Variants in CEP250 observed in about 807,000 individuals in gnomAD.
CEP250 encodes centrosomal protein 250, also known as centrosome-associated protein CEP250.
Under a neutral mutation model 315.7 loss-of-function variants are expected in CEP250, and 242 were observed. The ratio of observed to expected loss-of-function variants is 0.77; its 90% CI spans 0.69 to 0.85. The LOEUF (loss-of-function observed/expected upper bound fraction) is 0.85. CEP250 is among the 40% of genes least tolerant of loss of function. The pLI is 0.00. For missense variants in CEP250, 2,515 were observed against 2,886.4 expected (o/e 0.87, Z 2.95); for synonymous variants, 1,088 against 1,175.0 (o/e 0.93, Z 1.51).
intron 20 of CEP250, among the ~76,000 whole-genome samples, chr20:35,485,064 TAAAAAA>T (rs587596547): frequency 7.7e-6 from 1 of 129,228 alleles, no homozygotes; most frequent in East Asian, 2.2e-4. Context: ...CCTATCTCTT[TAAAAAA>T]AAAAAAAAAA....
Position 35,493,547 on chromosome 20 carries a change from A to T in CEP250, c.3008A>T (p.Gln1003Leu), listed in dbSNP as rs765672057. 4 of 1,578,960 alleles carry T rather than the reference A, an allele frequency of 2.5e-6. No individual in the cohort carries two copies. In the Admixed American group the frequency reaches 5.6e-5, roughly 22 times the overall value. Reference protein sequence around the residue: ...ALQEESSSLLQDKMDLQKQVE... With the variant: ...ALQEESSSLLLDKMDLQKQVE... ...CAAGAAGAGAGCAGCTCCCTGCTGC[A>T]GGATAAGATGGACCTGCAGAAGCAG... is the stretch of plus-strand genomic sequence containing the variant. The change falls in exon 23 of 35, where the codon CAG (glutamine) becomes CTG (leucine). Residue 1003 changes from glutamine to leucine, a missense_variant. Physicochemically the swap from Gln to Leu is moderately radical, Grantham distance 113 (BLOSUM62 -2). Transcript: ENST00000397527.
At chr20:35,494,338 A>C in intron 23 of CEP250, 186 bp from the exon 24 acceptor site, 4 of 657,244 alleles carry the variant, frequency 6.1e-6, no homozygotes, top group South Asian at 2.0e-5. Context: ...GCAGATGACC[A>C]GGCCGAATTG....
At chr20:35,496,350 C>A (rs2063834033) in intron 24 of CEP250, among the ~76,000 whole-genome samples, 1 of 151,324 alleles carries the variant, frequency 6.6e-6, no homozygotes, top group African/African-American at 2.4e-5. Context: ...AAAAAAAAAA[C>A]ACAAAAAAAC....
At chr20:35,498,119 T>TTTGG in intron 26 of CEP250, 52 bp downstream of exon 26, 1 of 1,351,802 alleles carries the variant, frequency 7.4e-7, no homozygotes, top group Non-Finnish European at 9.9e-7. Context: ...CAGGCCTGGC[T>TTTGG]CCCAGGGGAA....
At chr20:35,502,312 A>G in intron 29 of CEP250, 78 bp from the exon 30 acceptor site, 4 of 1,280,962 alleles carry the variant, frequency 3.1e-6, no homozygotes, top group Non-Finnish European at 4.3e-6. Flanking sequence ...GCCACAAAAT[A>G]AGAAAGAGAA....
rs867885201 is a variant in CEP250, at chr20:35,465,445, A to T, written c.244-298A>T. Among the ~76,000 whole-genome samples, 463 of 151,208 alleles carry T rather than the reference A, an allele frequency of 3.1e-3. 1 individual carries two copies. The highest frequency in any genetic ancestry group is 0.011 in the African/African-American group (448 of 40,652). On this transcript the variant is annotated intron_variant, in intron 5 of 34. Transcript: ENST00000397527. ...CAAAAAAAAAAAAAAAAAAAATGAA[A>T]GAAGTTAAGTCACTTCCCAAGGTCA... is the stretch of plus-strand genomic sequence containing the variant.
chr20:35,461,251 C>G (rs2062748576), intron 3 of CEP250, among the ~76,000 whole-genome samples: 2 of 152,292 alleles, frequency 1.3e-5, no homozygotes, highest in Middle Eastern at 3.4e-3. Flanking sequence ...AGAACTCTTC[C>G]TCTGGCCCAG....
intron 20 of CEP250, among the ~76,000 whole-genome samples, chr20:35,486,164 G>A (rs1172643654): frequency 6.6e-6 from 1 of 151,206 alleles, no homozygotes; most frequent in Non-Finnish European, 1.5e-5. Context: ...ACAGGCGCAT[G>A]CTACCACACC....
chr20:35,472,144 T>C lies in CEP250; in HGVS notation c.1043T>C (p.Ile348Thr). The change falls in exon 11 of 35, where the codon ATA becomes ACA. Residue 348 changes from isoleucine (I) to threonine (T), a missense_variant. By Grantham distance (89) the Ile-to-Thr change is moderately conservative (BLOSUM62 -1). Coordinates refer to ENST00000397527, the MANE Select transcript of CEP250 (RefSeq NM_007186.6). ...KLSLQQVIKD[I>T]TQVMVEEGDN... is the part of the protein sequence containing the mutation. ...TCTTTACAGCAGGTGATCAAGGATA[T>C]AACCCAGGTACTGGGAAGCCTCCTG... 6.2e-7 allele frequency: 1 copy of C among 1,602,312 alleles called. No homozygotes were observed. The highest frequency in any genetic ancestry group is 8.6e-7 in the Non-Finnish European group (1 of 1,169,228).
intron 9 of CEP250, among the ~76,000 whole-genome samples, chr20:35,468,525 C>G (rs2146736578): frequency 6.6e-6 from 1 of 152,252 alleles, no homozygotes; most frequent in Non-Finnish European, 1.5e-5. Context: ...GTATCTTCAC[C>G]TGTTGGAGGT....
At chr20:35,459,180 A>T (rs2146642468) in intron 2 of CEP250, among the ~76,000 whole-genome samples, 1 of 151,872 alleles carries the variant, frequency 6.6e-6, no homozygotes, top group East Asian at 1.9e-4. Flanking sequence ...TATAAACAAA[A>T]TGAAGTTGCT....
At position 35,479,726 on chromosome 20, in the gene CEP250, T is replaced by G. The variant is rs1351408693; in HGVS notation, c.2369T>G (p.Leu790Arg). 2 of 1,614,076 alleles carry G rather than the reference T, an allele frequency of 1.2e-6. No individual in the cohort carries two copies. The highest frequency in any genetic ancestry group is 1.7e-6 in the Non-Finnish European group (2 of 1,180,056). ...GTGATAGAGGTCACCAAGGGGCAGCTGGAGGTCCAGATTCAAACTGTCACT... is the reference window on the plus strand; with the variant it reads ...GTGATAGAGGTCACCAAGGGGCAGCGGGAGGTCCAGATTCAAACTGTCACT... The part of the protein sequence containing the change: ...NSVIEVTKGQ[L>R]EVQIQTVTQA... The change falls in exon 19 of 35, where the codon CTG (leucine) becomes CGG (arginine). Residue 790 changes from leucine (L) to arginine (R), a missense_variant. By Grantham distance (102) the Leu-to-Arg change is moderately radical (BLOSUM62 -2). Transcript: ENST00000397527.
Position 35,512,803 on chromosome 20 carries a change from T to G in CEP250, c.*1177T>G, listed in dbSNP as rs1217864535. On this transcript the variant is annotated 3_prime_UTR_variant, in exon 35 of 35. Coordinates refer to ENST00000397527, the MANE Select transcript of CEP250 (RefSeq NM_007186.6). ...TGAAACTCCTGGGCTCAAGTGATCC[T>G]CCCACCTCAACCTCTCAAAGTGCTG... 6.6e-6 allele frequency: 1 copy of G among 152,288 alleles called. No homozygotes were observed. The highest frequency in any genetic ancestry group is 2.4e-5 in the African/African-American group (1 of 41,428). 9.4% of individuals were successfully genotyped at this position (152,288 alleles called of 1,614,324 possible).
intron 9 of CEP250, 54 bp from the exon 10 acceptor site, chr20:35,469,836 C>T (rs1238515298): frequency 1.6e-6 from 2 of 1,237,704 alleles, no homozygotes; most frequent in Non-Finnish European, 2.3e-6. Flanking sequence ...TGCATCGTAG[C>T]TCTGTCCACA....
intron 5 of CEP250, 136 bp downstream of exon 5, chr20:35,463,767 G>T: frequency 1.8e-6 from 1 of 558,232 alleles, no homozygotes; most frequent in East Asian, 3.5e-5. Flanking sequence ...GCCTCTGAGA[G>T]GTTTATCACA....
intron 26 of CEP250, 77 bp from the exon 27 acceptor site, chr20:35,498,518 A>G (rs1601279075): frequency 1.3e-6 from 2 of 1,552,312 alleles, no homozygotes; most frequent in East Asian, 2.3e-5. Flanking sequence ...TTGGAAGGAC[A>G]GGGCTGTGTC....
At chr20:35,465,866 T>C in intron 6 of CEP250, 41 bp downstream of exon 6, 1 of 1,569,904 alleles carries the variant, frequency 6.4e-7, no homozygotes, top group Non-Finnish European at 8.7e-7. Flanking sequence ...GATTGGCCAG[T>C]TGGTGGAGAA....
At position 35,475,567 on chromosome 20, in the gene CEP250, G is replaced by A. The variant is rs776264848; in HGVS notation, c.1637G>A (p.Arg546Gln). 9.3e-6 allele frequency: 15 copies of A among 1,613,968 alleles called. No individual in the cohort carries two copies. Among genetic ancestry groups the A allele is most frequent in the East Asian group, 2.2e-5 (1 of 44,888 alleles). Residue 546 changes from arginine to glutamine, a missense_variant, in exon 15 of 35, where the codon CGG (arginine) becomes CAG (glutamine). Arg to Gln is a conservative substitution (Grantham distance 43, BLOSUM62 1). Coordinates refer to ENST00000397527, the MANE Select transcript of CEP250 (RefSeq NM_007186.6). Reference sequence around the variant, plus strand: ...TCACTCAGTGAACTGATCACTCTTCGGGAAGCCCTGGAGTCAAGTCACCTG... The same window carrying A: ...TCACTCAGTGAACTGATCACTCTTCAGGAAGCCCTGGAGTCAAGTCACCTG... ...SESLSELITL[R>Q]EALESSHLEG...
In CEP250 at chr20:35,498,026, G is replaced by T; in HGVS notation, c.3614G>T (p.Gly1205Val). The change falls in exon 26 of 35, where the codon GGT (glycine) becomes GTT (valine). Residue 1205 changes from glycine to valine, a missense_variant. By Grantham distance (109) the Gly-to-Val change is moderately radical. Coordinates refer to ENST00000397527, the MANE Select transcript of CEP250 (RefSeq NM_007186.6). ...TGTGAGAGCAGGCCTGAGCTGAGTG[G>T]TGGGGGAGACTCTGCTCCTTCCGTC... ...SVCESRPELS[G>V]GGDSAPSVWG... 6.2e-7 allele frequency: 1 copy of T among 1,600,040 alleles called. No individual in the cohort carries two copies. The highest frequency in any genetic ancestry group is 1.1e-5 in the South Asian group (1 of 90,708).
Sources: gnomAD v4.1 joint callset for allele counts (sites outside exome capture counted in the v4.1 genomes callset) on GRCh38, gnomAD v4.1.1 for gene constraint, MANE v1.5 for transcripts, NCBI Gene and HGNC (gene_info 2026-07-23, HGNC 2026-07-21) for gene names.